ADGRB3: variants seen among roughly 807,000 people sequenced by gnomAD.
ADGRB3 encodes adhesion G protein-coupled receptor B3.
Under a neutral mutation model 193.4 loss-of-function variants are expected in ADGRB3, and 37 were observed. That is an observed-to-expected ratio of 0.19 (90% confidence interval 0.15 to 0.25). The LOEUF is 0.25. Ranked by LOEUF, ADGRB3 falls within the 10% of genes least tolerant of loss-of-function variation. ADGRB3 has a pLI of 1.00. For missense variants in ADGRB3, 1,637 were observed against 1,852.9 expected (o/e 0.88, Z 2.14); for synonymous variants, 690 against 644.2 (o/e 1.07, Z -1.08).
chr6:69,343,341 C>A (rs371875642), intron 26 of ADGRB3, among the ~76,000 whole-genome samples: 2 of 126,152 alleles, frequency 1.6e-5, no homozygotes, highest in African/African-American at 2.9e-5. Flanking sequence ...CCCCTCCCCC[C>A]ACCCCACCAC....
At position 68,929,946 on chromosome 6, in the gene ADGRB3, C is replaced by T. The variant is rs10080549; in HGVS notation, c.758-613C>T. Among the ~76,000 whole-genome samples the T allele has an allele frequency of 9.0e-3, 1,345 of 150,148 alleles. 34 individuals carry two copies. The highest frequency in any genetic ancestry group is 0.031 in the African/African-American group (1,284 of 40,782). ...TTTTAAAAGAGAAAATATTCTCTTA[C>T]ATGTGATTAGAAAAGGGGGGAGGAA... On this transcript the variant is annotated intron_variant, in intron 3 of 31. Coordinates refer to ENST00000370598, the MANE Select transcript of ADGRB3 (RefSeq NM_001704.3).
intron 29 of ADGRB3, among the ~76,000 whole-genome samples, chr6:69,367,113 G>A (rs1297612738): frequency 2.0e-5 from 3 of 152,104 alleles, no homozygotes; most frequent in Admixed American, 6.6e-5. Context: ...AATGTGGCTT[G>A]CAAGGAGCTG....
At chr6:68,665,426 A>G (rs1287269184) in intron 3 of ADGRB3, among the ~76,000 whole-genome samples, 1 of 151,914 alleles carries the variant, frequency 6.6e-6, no homozygotes, top group African/African-American at 2.4e-5. Context: ...AGTCCAAAAT[A>G]TATTCCTCAA....
Position 68,652,390 on chromosome 6 carries a change from T to C in ADGRB3, c.757+12958T>C, listed in dbSNP as rs533364626. 1.1e-3 allele frequency among the ~76,000 whole-genome samples: 173 copies of C among 152,276 alleles called. 3 individuals carry two copies. The highest frequency in any genetic ancestry group is 4.0e-3 in the African/African-American group (165 of 41,564). On this transcript the variant is annotated intron_variant, in intron 3 of 31. Coordinates refer to ENST00000370598, the MANE Select transcript of ADGRB3 (RefSeq NM_001704.3). Reference sequence around the variant, plus strand: ...CTGCTCATGACCGACCTCTTGCTCCTGGAACATAAACACTTTCTTCAGACT... The same window carrying C: ...CTGCTCATGACCGACCTCTTGCTCCCGGAACATAAACACTTTCTTCAGACT...
chr6:69,034,831 A>G (rs538211301), intron 13 of ADGRB3, among the ~76,000 whole-genome samples: 33 of 151,938 alleles, frequency 2.2e-4, no homozygotes, highest in African/African-American at 7.7e-4. Context: ...ATATAGTTAA[A>G]AAGAGCATAA....
At chr6:69,332,071 A>G in intron 23 of ADGRB3, 2 of 985,436 alleles carry the variant, frequency 2.0e-6, no homozygotes, top group Non-Finnish European at 2.4e-6. Flanking sequence ...CCAGAAAGGC[A>G]AAAAGAAGAA....
intron 5 of ADGRB3, among the ~76,000 whole-genome samples, chr6:68,940,025 C>T (rs1767592533): frequency 6.6e-6 from 1 of 152,124 alleles, no homozygotes; most frequent in African/African-American, 2.4e-5. Flanking sequence ...TGACCATTCA[C>T]CCATATTCAA....
intron 4 of ADGRB3, among the ~76,000 whole-genome samples, chr6:68,935,134 G>A (rs1253997591): frequency 6.6e-6 from 1 of 152,204 alleles, no homozygotes; most frequent in Non-Finnish European, 1.5e-5. Flanking sequence ...TAGTGGATCA[G>A]TGTTTGTCCG....
intron 17 of ADGRB3, among the ~76,000 whole-genome samples, chr6:69,096,365 T>A (rs1418850521): frequency 1.4e-5 from 1 of 73,894 alleles, no homozygotes; most frequent in East Asian, 8.8e-3. Flanking sequence ...TGTTTTGGGT[T>A]TTTTTTTTTT....
chr6:68,689,292 C>T (rs1484270709), intron 3 of ADGRB3, among the ~76,000 whole-genome samples: 1 of 152,056 alleles, frequency 6.6e-6, no homozygotes, highest in Non-Finnish European at 1.5e-5. Context: ...AGGCAGAGGA[C>T]TAAGAACTCC....
intron 23 of ADGRB3, chr6:69,332,572 T>C (rs1340001381): frequency 1.0e-6 from 1 of 985,312 alleles, no homozygotes; most frequent in Non-Finnish European, 1.2e-6. Context: ...GGGCATAGGG[T>C]AAAACTGCTT....
intron 28 of ADGRB3, among the ~76,000 whole-genome samples, chr6:69,360,461 A>G (rs1233046224): frequency 6.6e-6 from 1 of 151,938 alleles, no homozygotes; most frequent in Admixed American, 6.6e-5. Flanking sequence ...AGGGAAAGCC[A>G]TTAAGAAAAA....
At chr6:68,953,462 T>A (rs577538233) in intron 6 of ADGRB3, among the ~76,000 whole-genome samples, 2 of 152,276 alleles carry the variant, frequency 1.3e-5, no homozygotes, top group South Asian at 4.1e-4. Context: ...ATGCTTAGGA[T>A]GGTGAGGCTT....
intron 3 of ADGRB3, among the ~76,000 whole-genome samples, chr6:68,646,501 G>GA (rs372141281): frequency 0.012 from 1,839 of 147,256 alleles, 19 homozygotes; most frequent in Middle Eastern, 0.032. Flanking sequence ...AAAGAAAAAA[G>GA]AAAAAAAGAT....
At chr6:68,957,892 G>A (rs753066876) in intron 8 of ADGRB3, among the ~76,000 whole-genome samples, 5 of 151,996 alleles carry the variant, frequency 3.3e-5, no homozygotes, top group Admixed American at 1.3e-4. Flanking sequence ...GGAGTTTTGT[G>A]GGGGCTTAAA....
intron 3 of ADGRB3, among the ~76,000 whole-genome samples, chr6:68,665,733 A>C (rs188573371): frequency 3.0e-3 from 455 of 151,932 alleles, no homozygotes; most frequent in African/African-American, 0.01. Context: ...ATAACTATAA[A>C]TACTTTATTC....
At chr6:69,368,862 T>C (rs986270084) in intron 29 of ADGRB3, among the ~76,000 whole-genome samples, 37 of 152,142 alleles carry the variant, frequency 2.4e-4, no homozygotes, top group African/African-American at 8.4e-4. Flanking sequence ...TAATGGAGTA[T>C]TGAGAATAGA....
chr6:69,259,472 G>A lies in ADGRB3; in HGVS notation c.2814+20246G>A, dbSNP rs556245542. On this transcript the variant is annotated intron_variant, in intron 20 of 31. Coordinates refer to ENST00000370598, the MANE Select transcript of ADGRB3 (RefSeq NM_001704.3). ...GCATTTTGGGAGGCCAAGGTGGGCGGATCACGAGGCCAGGAGATCGAGACC... is the reference window on the plus strand; with the variant it reads ...GCATTTTGGGAGGCCAAGGTGGGCGAATCACGAGGCCAGGAGATCGAGACC... 3.0e-4 allele frequency among the ~76,000 whole-genome samples: 45 copies of A among 152,100 alleles called. 1 individual carries two copies. Among genetic ancestry groups the A allele is most frequent in the Middle Eastern group, 3.4e-3 (1 of 294 alleles).
intron 18 of ADGRB3, among the ~76,000 whole-genome samples, chr6:69,234,810 C>CT (rs1158483319): frequency 6.6e-6 from 1 of 152,034 alleles, no homozygotes; most frequent in Non-Finnish European, 1.5e-5. Context: ...ATTTAAAACT[C>CT]TAATGACTTT....
Sources: allele counts gnomAD v4.1 joint callset (sites outside exome capture counted in the v4.1 genomes callset), GRCh38; gene constraint gnomAD v4.1.1; transcripts MANE v1.5; gene names NCBI Gene and HGNC (gene_info 2026-07-23, HGNC 2026-07-21).